Variants in COG6 observed in about 807,000 individuals in gnomAD.
The protein encoded by COG6 is conserved oligomeric Golgi complex subunit 6.
In COG6, 74 loss-of-function variants were observed where a neutral mutation model predicts 88.8. The ratio of observed to expected loss-of-function variants is 0.83; its 90% confidence interval spans 0.69 to 1.01. COG6 has a LOEUF of 1.01. COG6 is among the 50% of genes least tolerant of loss of function. The pLI is 0.00. For synonymous variants in COG6, 286 were observed against 278.7 expected (o/e 1.03, Z -0.26); for missense variants, 800 against 797.9 (o/e 1.00, Z -0.03).
chr13:39,713,957 C>T (rs895657725), intron 13 of COG6, among the ~76,000 whole-genome samples: 7 of 152,044 alleles, frequency 4.6e-5, no homozygotes, highest in East Asian at 1.9e-4. Flanking sequence ...ACCTTGTTGC[C>T]GATCTAATGG....
chr13:39,743,596 A>G (rs534033024), intron 18 of COG6, among the ~76,000 whole-genome samples: 2 of 152,324 alleles, frequency 1.3e-5, no homozygotes, highest in East Asian at 3.9e-4. Flanking sequence ...AGGCTCTGAA[A>G]TTGAGGCAAT....
At chr13:39,764,345 ATT>A (rs1881106999) in intron 18 of COG6, among the ~76,000 whole-genome samples, 1 of 148,384 alleles carries the variant, frequency 6.7e-6, no homozygotes, top group South Asian at 2.1e-4. Flanking sequence ...TTTATTGTAT[ATT>A]TGTTTTCTAT....
intron 18 of COG6, among the ~76,000 whole-genome samples, chr13:39,787,591 G>A (rs1204794232): frequency 6.6e-6 from 1 of 151,994 alleles, no homozygotes; most frequent in Admixed American, 6.6e-5. Context: ...TTTGTTAAGT[G>A]TTAACTATAT....
At chr13:39,788,501 C>T (rs41286963) in exon 19 of COG6, 3 of 707,920 alleles carry the variant, frequency 4.2e-6, no homozygotes, top group Non-Finnish European at 4.8e-6. Context: ...CTCTGTGACT[C>T]TTCATCTGGT....
chr13:39,752,658 G>T, downstream of COG6: 1 of 1,243,840 alleles, frequency 8.0e-7, no homozygotes. Context: ...CAGCTGTCCT[G>T]TAGATATATA....
chr13:39,751,407 T>G lies in COG6; in HGVS notation c.*314T>G, dbSNP rs1211582206. ...TATGAAAGGTTTGAAGAATTTTTTT[T>G]TACAAGACTAGTTCTAAATTAACAG... On this transcript the variant is annotated 3_prime_UTR_variant, in exon 19 of 19. Transcript: ENST00000455146. 7.6e-7 allele frequency: 1 copy of G among 1,318,652 alleles called. No individual in the cohort carries two copies. The highest frequency in any genetic ancestry group is 4.6e-5 in the East Asian group (1 of 21,698). 81.7% of individuals were successfully genotyped at this position (1,318,652 alleles called of 1,614,324 possible). A position where few individuals can be genotyped will look rare whatever the true frequency, so the allele number is the denominator to read the frequency against.
chr13:39,751,022 A>T lies in COG6; in HGVS notation c.1903A>T (p.Ile635Phe), dbSNP rs776947209. Residue 635 changes from isoleucine (I) to phenylalanine (F), a missense_variant, in exon 19 of 19, where the codon ATC becomes TTC. Transcript: ENST00000455146. ...AGTGTATGCAGCCGTGATGAATCCAATCAATGAATACAAAGATCCAGAGAA... is the reference window on the plus strand; with the variant it reads ...AGTGTATGCAGCCGTGATGAATCCATTCAATGAATACAAAGATCCAGAGAA... ...GEVYAAVMNPINEYKDPENIL... is the reference protein window; with the variant it reads ...GEVYAAVMNPFNEYKDPENIL... 1.9e-6 allele frequency: 3 copies of T among 1,613,620 alleles called. No homozygotes were observed. In the South Asian group the frequency reaches 3.3e-5, roughly 18 times the overall value.
chr13:39,743,269 G>A (rs564894305), intron 18 of COG6, among the ~76,000 whole-genome samples: 2 of 152,216 alleles, frequency 1.3e-5, no homozygotes, highest in African/African-American at 4.8e-5. Flanking sequence ...AGAACTGAAG[G>A]ACATAGAGAC....
chr13:39,703,632 C>A (rs1212955469), intron 13 of COG6, among the ~76,000 whole-genome samples: 1 of 151,878 alleles, frequency 6.6e-6, no homozygotes, highest in Non-Finnish European at 1.5e-5. Flanking sequence ...AAAGTATTCC[C>A]ACAAGAAAAA....
At chr13:39,668,051 G>A (rs9566468) in intron 4 of COG6, among the ~76,000 whole-genome samples, 34,113 of 151,840 alleles carry the variant, frequency 0.22, 4,141 homozygotes, top group Non-Finnish European at 0.28. Flanking sequence ...CTTATGTTAG[G>A]TGTCATTGGA....
rs1876059496 is a variant in COG6, at chr13:39,677,736, T to C, written c.540+157T>C. ...AAGATGTGTATTTTAATTATATTTT[T>C]CAAAGTAATACATGTACTTTTTAAA... On this transcript the variant is annotated intron_variant, in intron 5 of 18. Transcript: ENST00000455146. 2.0e-5 allele frequency among the ~76,000 whole-genome samples: 3 copies of C among 152,338 alleles called. No homozygotes were observed. The South Asian group carries it at 6.2e-4, about 32-fold the overall frequency.
intron 13 of COG6, among the ~76,000 whole-genome samples, chr13:39,710,479 T>C (rs1386273829): frequency 6.6e-6 from 1 of 151,946 alleles, no homozygotes; most frequent in Non-Finnish European, 1.5e-5. Context: ...AGGAGCAAAT[T>C]TGGAAGAAAG....
chr13:39,725,585 A>C (rs9532423), intron 17 of COG6, among the ~76,000 whole-genome samples: 31,082 of 151,812 alleles, frequency 0.2, 3,732 homozygotes, highest in Non-Finnish European at 0.27. Flanking sequence ...AGCTATCTAT[A>C]TGATTATTAG....
In COG6 at chr13:39,659,362, AG is replaced by A; in HGVS notation, c.154del. ...AACTGTCTTCTGTTACCAATTGTAT[AG>A]GAGATGTTAGAAGCTCTCAAGGCAC... On this transcript the variant is annotated splice_acceptor_variant, in intron 1 of 18. Coordinates refer to ENST00000455146, the MANE Select transcript of COG6 (RefSeq NM_020751.3). LOFTEE classifies it high-confidence loss of function. 6.2e-7 allele frequency: 1 copy of A among 1,613,332 alleles called. No individual in the cohort carries two copies. The highest frequency in any genetic ancestry group is 2.2e-5 in the East Asian group (1 of 44,768).
At chr13:39,688,973 G>A (rs1037009430) in intron 10 of COG6, among the ~76,000 whole-genome samples, 1 of 152,006 alleles carries the variant, frequency 6.6e-6, no homozygotes, top group East Asian at 1.9e-4. Context: ...ACAAATTGGT[G>A]GTAATACTAA....
intron 18 of COG6, among the ~76,000 whole-genome samples, chr13:39,749,759 C>A (rs909627625): frequency 6.6e-6 from 1 of 152,108 alleles, no homozygotes; most frequent in Non-Finnish European, 1.5e-5. Flanking sequence ...AGAGAACAGT[C>A]AAGGGTTGCA....
chr13:39,749,465 A>G (rs1880510399), intron 18 of COG6, among the ~76,000 whole-genome samples: 1 of 152,206 alleles, frequency 6.6e-6, no homozygotes, highest in South Asian at 2.1e-4. Flanking sequence ...TTTGATGCAG[A>G]ACTAACCCCT....
chr13:39,770,855 G>A (rs1566045178), intron 18 of COG6, among the ~76,000 whole-genome samples: 1 of 152,194 alleles, frequency 6.6e-6, no homozygotes, highest in South Asian at 2.1e-4. Flanking sequence ...AACAGCTGAA[G>A]CGTGTAGTTA....
intron 18 of COG6, among the ~76,000 whole-genome samples, chr13:39,742,884 C>G (rs1210585614): frequency 2.6e-5 from 4 of 152,134 alleles, no homozygotes; most frequent in Non-Finnish European, 2.9e-5. Context: ...TATAAAAGAA[C>G]AGAAATCACA....
Sources: allele counts gnomAD v4.1 joint callset (sites outside exome capture counted in the v4.1 genomes callset), GRCh38; gene constraint gnomAD v4.1.1; transcripts MANE v1.5; gene names NCBI Gene and HGNC (gene_info 2026-07-23, HGNC 2026-07-21).